GCC2: variants seen among roughly 807,000 people sequenced by gnomAD.
GCC2 encodes GRIP and coiled-coil domain containing 2.
Under a neutral mutation model 210.6 loss-of-function variants are expected in GCC2, and 120 were observed. The observed-to-expected ratio is 0.57, with a 90% CI of 0.49 to 0.66. The LOEUF (loss-of-function observed/expected upper bound fraction) is 0.66, where lower values mean the gene tolerates loss of function less well. Among genes scored for constraint, GCC2 ranks in the 30% least tolerant of loss-of-function variants. The pLI is 0.00. For synonymous variants in GCC2, 703 were observed against 652.7 expected (o/e 1.08, Z -1.17); for missense variants, 1,868 against 1,871.9 (o/e 1.00, Z 0.04).
intron 4 of GCC2, among the ~76,000 whole-genome samples, chr2:108,468,354 C>G (rs1681011413): frequency 6.6e-6 from 1 of 152,208 alleles, no homozygotes; most frequent in Non-Finnish European, 1.5e-5. Flanking sequence ...GCATGAGCCA[C>G]CATCCCCGAC....
intron 22 of GCC2, among the ~76,000 whole-genome samples, chr2:108,504,734 C>T (rs1328608894): frequency 6.6e-6 from 1 of 152,164 alleles, no homozygotes; most frequent in Non-Finnish European, 1.5e-5. Flanking sequence ...CTCAATTTTA[C>T]TACTCAAGCA....
chr2:108,481,615 A>G (rs1681854553), intron 9 of GCC2, 82 bp from the exon 10 acceptor site: 1 of 1,002,494 alleles, frequency 1.0e-6, no homozygotes, highest in Non-Finnish European at 1.5e-6. Context: ...TGGACTCATG[A>G]ATCTTAAGGT....
chr2:108,469,050 A>G lies in GCC2; in HGVS notation c.287A>G (p.Lys96Arg), dbSNP rs1240014258. 5 of 1,611,892 alleles carry G rather than the reference A, an allele frequency of 3.1e-6. No individual in the cohort carries two copies. The highest frequency in any genetic ancestry group is 4.2e-6 in the Non-Finnish European group (5 of 1,178,204). The change falls in exon 5 of 23, where the codon AAA (lysine) becomes AGA (arginine). Residue 96 changes from lysine to arginine, a missense_variant. This residue lies in a region of GCC2 where 1,847 missense variants were observed against 1,765.2 expected (regional missense o/e 1.05). Coordinates refer to ENST00000309863, the MANE Select transcript of GCC2 (RefSeq NM_181453.4). ...AETEQQCLSL[K>R]KENIKMKQEV... Reference sequence around the variant, plus strand: ...ACTGAGCAACAGTGTCTTTCTCTGAAAAAGGAAAATATAAAAATGAAGCAA... The same window carrying G: ...ACTGAGCAACAGTGTCTTTCTCTGAGAAAGGAAAATATAAAAATGAAGCAA...
At chr2:108,499,980 A>C (rs1464353032) in intron 22 of GCC2, among the ~76,000 whole-genome samples, 2 of 152,244 alleles carry the variant, frequency 1.3e-5, no homozygotes, top group African/African-American at 4.8e-5. Flanking sequence ...GTAAGTGCTT[A>C]GCTTGATCTT....
chr2:108,460,738 C>A (rs927143707), intron 4 of GCC2, among the ~76,000 whole-genome samples: 4 of 152,058 alleles, frequency 2.6e-5, no homozygotes, highest in African/African-American at 9.7e-5. Flanking sequence ...GGATTTGTGT[C>A]CCTGCCCAAA....
chr2:108,453,606 G>GA (rs1485356095), intron 4 of GCC2, among the ~76,000 whole-genome samples: 1 of 152,118 alleles, frequency 6.6e-6, no homozygotes, highest in Non-Finnish European at 1.5e-5. Flanking sequence ...CCAGCATGGT[G>GA]AAACCCTGTC....
At chr2:108,498,319 C>G (rs1340961179) in intron 21 of GCC2, among the ~76,000 whole-genome samples, 1 of 150,390 alleles carries the variant, frequency 6.6e-6, no homozygotes, top group Non-Finnish European at 1.5e-5. Flanking sequence ...CCTCAGCCTC[C>G]CGAGTAGCTG....
intron 2 of GCC2, among the ~76,000 whole-genome samples, chr2:108,450,738 C>G (rs568939104): frequency 6.6e-6 from 1 of 152,052 alleles, no homozygotes; most frequent in Non-Finnish European, 1.5e-5. Flanking sequence ...AAAAATTAGC[C>G]GGACGTGGTA....
Position 108,471,563 on chromosome 2 carries a change from T to G in GCC2, c.2234T>G (p.Leu745Arg). The G allele has an allele frequency of 6.2e-7, 1 of 1,609,252 alleles. No individual in the cohort carries two copies. The highest frequency in any genetic ancestry group is 8.5e-7 in the Non-Finnish European group (1 of 1,178,266). ...GAGCAAGATAATTTAAATAAACTGC[T>G]TGAAAATGAGCAAGTTCAGAAGTTA... The part of the protein sequence containing the change: ...VEEQDNLNKL[L>R]ENEQVQKLFV... Residue 745 changes from leucine (L) to arginine (R), a missense_variant, in exon 6 of 23, where the codon CTT (leucine) becomes CGT (arginine). Transcript: ENST00000309863.
intron 21 of GCC2, among the ~76,000 whole-genome samples, chr2:108,498,918 G>A (rs1196232528): frequency 1.3e-5 from 2 of 151,124 alleles, no homozygotes; most frequent in South Asian, 2.1e-4. Flanking sequence ...AGTTTCTATC[G>A]AAAGTAGAAG....
chr2:108,500,085 TTATTAGC>T (rs1406785287), intron 22 of GCC2, among the ~76,000 whole-genome samples: 1 of 151,974 alleles, frequency 6.6e-6, no homozygotes, highest in Non-Finnish European at 1.5e-5. Flanking sequence ...TAAAAAACAT[TTATTAGC>T]TTGTTCCTTT....
At chr2:108,478,645 G>A (rs1022843714) in intron 9 of GCC2, among the ~76,000 whole-genome samples, 2 of 152,152 alleles carry the variant, frequency 1.3e-5, no homozygotes, top group Admixed American at 1.3e-4. Context: ...ACTCCCCTTA[G>A]GAATAATACT....
At chr2:108,476,054 CTTTTTTTT>C (rs56236751) in intron 9 of GCC2, among the ~76,000 whole-genome samples, 11 of 96,318 alleles carry the variant, frequency 1.1e-4, no homozygotes, top group South Asian at 3.3e-4. Flanking sequence ...TAGTGGCTTG[CTTTTTTTT>C]TTTTTTTTTT....
rs1233867129 is a variant in GCC2, at chr2:108,470,112, A to G, written c.783A>G (p.Ala261=). The G allele has an allele frequency of 1.9e-6, 3 of 1,613,812 alleles. No individual in the cohort carries two copies. The highest frequency in any genetic ancestry group is 2.5e-6 in the Non-Finnish European group (3 of 1,179,834). The change falls in exon 6 of 23, where the codon GCA becomes GCG. Residue 261 remains alanine, a synonymous_variant. Transcript: ENST00000309863. ...AAGAGTTGATGTGCCAGATTGAAGC[A>G]TCAGCTAAGGAACATGAAGCAGAGA... ...EVKELMCQIE[A]SAKEHEAEIN...
chr2:108,449,685 C>A lies in GCC2; in HGVS notation c.59C>A (p.Ser20Tyr), dbSNP rs2460946. The change falls in exon 2 of 23, where the codon TCT becomes TAT. Residue 20 changes from serine to tyrosine, a missense_variant. By Grantham distance (144) the Ser-to-Tyr change is moderately radical. Transcript: ENST00000309863. ...CCAGCTACCCCTGGGACCGGGAAATCTAAGGTGAAGAGAATACTTGAATAG... is the reference window on the plus strand; with the variant it reads ...CCAGCTACCCCTGGGACCGGGAAATATAAGGTGAAGAGAATACTTGAATAG... ...ASPATPGTGK[S>Y]KLETLPKEDL... is the part of the protein sequence containing the mutation. 32 of 1,612,582 alleles carry A rather than the reference C, an allele frequency of 2.0e-5. No homozygotes were observed. In the East Asian group the frequency reaches 6.5e-4, roughly 33 times the overall value.
Position 108,489,869 on chromosome 2 carries a change from A to C in GCC2, c.4084A>C (p.Lys1362Gln). 1 of 1,606,020 alleles carries C rather than the reference A, an allele frequency of 6.2e-7. No individual in the cohort carries two copies. Among genetic ancestry groups the C allele is most frequent in the Non-Finnish European group, 8.5e-7 (1 of 1,177,250 alleles). ...TCTGGAAATGCTGATTGACCAGCTA[A>C]AAATCAAATTACAAGATAGCCAAAA... The part of the protein sequence containing the change: ...EHLEMLIDQL[K>Q]IKLQDSQNNL... The change falls in exon 18 of 23, where the codon AAA (lysine) becomes CAA (glutamine). Residue 1362 changes from lysine to glutamine, a missense_variant. This residue lies in a region of GCC2 where 1,847 missense variants were observed against 1,765.2 expected (regional missense o/e 1.05). Transcript: ENST00000309863.
At chr2:108,491,771 T>G (rs1197017405) in intron 18 of GCC2, among the ~76,000 whole-genome samples, 1 of 150,628 alleles carries the variant, frequency 6.6e-6, no homozygotes, top group Non-Finnish European at 1.5e-5. Flanking sequence ...GGAAATTTAT[T>G]TATTTATTTA....
At chr2:108,461,535 C>T (rs923301197) in intron 4 of GCC2, among the ~76,000 whole-genome samples, 1 of 152,072 alleles carries the variant, frequency 6.6e-6, no homozygotes, top group Non-Finnish European at 1.5e-5. Context: ...GGCATAGTTT[C>T]ACTCTTGTGG....
At chr2:108,481,043 T>C (rs1278844053) in intron 9 of GCC2, among the ~76,000 whole-genome samples, 1 of 152,208 alleles carries the variant, frequency 6.6e-6, no homozygotes, top group East Asian at 1.9e-4. Flanking sequence ...AAGAACTACA[T>C]GCAGTCTCGA....
Sources: allele counts gnomAD v4.1 joint callset (sites outside exome capture counted in the v4.1 genomes callset), GRCh38; gene constraint gnomAD v4.1.1; regional missense constraint gnomAD v4.1.1; transcripts MANE v1.5; gene names NCBI Gene and HGNC (gene_info 2026-07-23, HGNC 2026-07-21).